Variants in NRCAM observed in about 807,000 individuals in gnomAD.
NRCAM encodes the protein neuronal cell adhesion molecule.
NRCAM carries 83 observed loss-of-function variants against 156.5 expected under a neutral mutation model. The observed-to-expected ratio is 0.53, with a 90% CI of 0.44 to 0.64. NRCAM has a LOEUF of 0.64. Ranked by LOEUF, NRCAM falls within the 30% of genes least tolerant of loss-of-function variation. The pLI, the probability that NRCAM is intolerant of heterozygous loss-of-function variation, is 0.00. For synonymous variants in NRCAM, 538 were observed against 563.9 expected (o/e 0.95, Z 0.65); for missense variants, 1,417 against 1,597.3 (o/e 0.89, Z 1.92).
intron 11 of NRCAM, among the ~76,000 whole-genome samples, chr7:108,213,955 T>G (rs973331380): frequency 6.6e-6 from 1 of 152,156 alleles, no homozygotes; most frequent in Non-Finnish European, 1.5e-5. Context: ...CCGAATTGAT[T>G]GTGGTGGATA....
chr7:108,296,282 C>A (rs1314816081), intron 3 of NRCAM, among the ~76,000 whole-genome samples: 1 of 152,156 alleles, frequency 6.6e-6, no homozygotes, highest in African/African-American at 2.4e-5. Context: ...CATTTTCTTA[C>A]ACAGGTACTG....
At chr7:108,206,604 G>T (rs984534435) in intron 13 of NRCAM, among the ~76,000 whole-genome samples, 1 of 152,160 alleles carries the variant, frequency 6.6e-6, no homozygotes, top group South Asian at 2.1e-4. Flanking sequence ...GGTGGTGGGT[G>T]GGGTAGAGGA....
intron 5 of NRCAM, among the ~76,000 whole-genome samples, chr7:108,236,968 C>T (rs540022058): frequency 6.6e-6 from 1 of 152,130 alleles, no homozygotes; most frequent in South Asian, 2.1e-4. Flanking sequence ...AGATGTCACT[C>T]CTAACTGCCA....
intron 3 of NRCAM, among the ~76,000 whole-genome samples, chr7:108,294,193 GTTTT>G (rs56717039): frequency 2.5e-4 from 22 of 87,932 alleles, no homozygotes; most frequent in African/African-American, 6.8e-4. Context: ...TTCTTTACTG[GTTTT>G]TTTTTTTTTT....
In NRCAM at chr7:108,149,431, CACA is replaced by C. The variant is rs1347325253; in HGVS notation, c.*476_*478del. ...GACAGCTATACATAGTCACCAATTT[CACA>C]ACAATGTCCACAAAGACATTGAAGT... On this transcript the variant is annotated 3_prime_UTR_variant, in exon 33 of 33. Coordinates refer to ENST00000379028, the MANE Select transcript of NRCAM (RefSeq NM_001037132.4). The C allele has an allele frequency of 1.2e-5, 2 of 160,704 alleles. No homozygotes were observed. The highest frequency in any genetic ancestry group is 2.7e-5 in the Non-Finnish European group (2 of 73,042). 10.0% of individuals were successfully genotyped at this position (160,704 alleles called of 1,614,324 possible). A position where few individuals can be genotyped will look rare whatever the true frequency, so the allele number is the denominator to read the frequency against.
chr7:108,271,584 T>C (rs1563047478), intron 3 of NRCAM, among the ~76,000 whole-genome samples: 1 of 151,850 alleles, frequency 6.6e-6, no homozygotes, highest in Non-Finnish European at 1.5e-5. Context: ...TCCCAACTAC[T>C]TGGGAGGCCG....
Position 108,191,903 on chromosome 7 carries a change from C to T in NRCAM, c.1779-50G>A, listed in dbSNP as rs771979479. On this transcript the variant is annotated intron_variant, in intron 17 of 32. Transcript: ENST00000379028. Reference sequence around the variant, plus strand: ...AGCTGAAATGGACATGCAGCCGTACCCTATAATTGCTTCACTGGCAGGAAA... The same window carrying T: ...AGCTGAAATGGACATGCAGCCGTACTCTATAATTGCTTCACTGGCAGGAAA... 3.2e-6 allele frequency: 5 copies of T among 1,543,068 alleles called. No homozygotes were observed. In the South Asian group the frequency reaches 4.8e-5, roughly 15 times the overall value.
chr7:108,446,560 G>A (rs552296889), intron 1 of NRCAM, among the ~76,000 whole-genome samples: 10 of 152,156 alleles, frequency 6.6e-5, no homozygotes, highest in Non-Finnish European at 1.0e-4. Flanking sequence ...GATGGTTTCC[G>A]AAGTTAGGAG....
intron 3 of NRCAM, among the ~76,000 whole-genome samples, chr7:108,277,816 C>G (rs1356673421): frequency 6.6e-6 from 1 of 152,066 alleles, no homozygotes; most frequent in Non-Finnish European, 1.5e-5. Flanking sequence ...GGAGAAGAGG[C>G]CTTCTGGTTT....
At chr7:108,388,162 T>C (rs1413110627) in intron 2 of NRCAM, among the ~76,000 whole-genome samples, 1 of 152,316 alleles carries the variant, frequency 6.6e-6, no homozygotes, top group African/African-American at 2.4e-5. Flanking sequence ...TGAACTAGTT[T>C]ACAGTCCCAT....
chr7:108,275,818 G>A (rs2097574937), intron 3 of NRCAM, among the ~76,000 whole-genome samples: 1 of 152,054 alleles, frequency 6.6e-6, no homozygotes, highest in Admixed American at 6.5e-5. Context: ...TCTTTTAATT[G>A]TGATGTTAGG....
At chr7:108,228,285 G>A (rs1395087605) in intron 8 of NRCAM, among the ~76,000 whole-genome samples, 1 of 151,784 alleles carries the variant, frequency 6.6e-6, no homozygotes, top group Non-Finnish European at 1.5e-5. Flanking sequence ...TTGTGCCACT[G>A]CACTCCAGCC....
intron 3 of NRCAM, among the ~76,000 whole-genome samples, chr7:108,241,976 A>G (rs2095556619): frequency 6.6e-6 from 1 of 152,118 alleles, no homozygotes; most frequent in Non-Finnish European, 1.5e-5. Context: ...TTGCAAAACA[A>G]ATTTTAAAAG....
intron 2 of NRCAM, among the ~76,000 whole-genome samples, chr7:108,365,533 G>T (rs1159254127): frequency 6.6e-6 from 1 of 152,070 alleles, no homozygotes; most frequent in African/African-American, 2.4e-5. Flanking sequence ...TCTTTATAGT[G>T]AGAACATTTA....
At chr7:108,158,672 A>C (rs2046962208) in intron 32 of NRCAM, among the ~76,000 whole-genome samples, 1 of 152,164 alleles carries the variant, frequency 6.6e-6, no homozygotes. Flanking sequence ...GCTTCTAAAA[A>C]GAAAAAAACA....
At chr7:108,234,734 A>G in intron 5 of NRCAM, 46 bp from the exon 6 acceptor site, 1 of 1,302,400 alleles carries the variant, frequency 7.7e-7, no homozygotes, top group Non-Finnish European at 1.1e-6. Context: ...ATTATTTAAA[A>G]TCATAATAGT....
chr7:108,376,379 TC>T (rs2099675760), intron 2 of NRCAM, among the ~76,000 whole-genome samples: 1 of 152,188 alleles, frequency 6.6e-6, no homozygotes, highest in South Asian at 2.1e-4. Context: ...CATGTTCACA[TC>T]TGGTCCCATA....
chr7:108,378,953 G>A (rs1441098363), intron 2 of NRCAM, among the ~76,000 whole-genome samples: 2 of 152,150 alleles, frequency 1.3e-5, no homozygotes, highest in Non-Finnish European at 2.9e-5. Flanking sequence ...GGATGCTTTT[G>A]AGGTACAGCT....
intron 3 of NRCAM, among the ~76,000 whole-genome samples, chr7:108,255,974 G>C (rs867056858): frequency 2.5e-5 from 1 of 39,574 alleles, no homozygotes; most frequent in South Asian, 8.0e-4. Flanking sequence ...GGCAGCCCCC[G>C]CCCGGCCAGC....
Sources: allele counts gnomAD v4.1 joint callset (sites outside exome capture counted in the v4.1 genomes callset), GRCh38; gene constraint gnomAD v4.1.1; transcripts MANE v1.5; gene names NCBI Gene and HGNC (gene_info 2026-07-23, HGNC 2026-07-21).